The following SMIM23 variants were observed in gnomAD, a reference collection of about 807,000 sequenced individuals.
SMIM23 encodes small integral membrane protein 23.
A neutral mutation model predicts 12.8 loss-of-function variants in SMIM23; 10 were observed. The observed-to-expected ratio is 0.78, with a 90% confidence interval of 0.48 to 1.32. The LOEUF (loss-of-function observed/expected upper bound fraction) is 1.32. SMIM23 is among the 40% of genes most tolerant of loss of function. The pLI is 0.00. For synonymous variants in SMIM23, 78 were observed against 80.1 expected (o/e 0.97, Z 0.14); for missense variants, 184 against 198.2 (o/e 0.93, Z 0.43).
chr5:171,775,053 T>A, the SMIM23 span, among the ~76,000 whole-genome samples: 51 of 152,226 alleles, frequency 3.4e-4, no homozygotes, highest in Non-Finnish European at 6.2e-4. Context: ...GATGTTTTGA[T>A]CCTGTCTTGA....
chr5:171,790,935 A>C lies in SMIM23; in HGVS notation c.366A>C (p.Glu122Asp), dbSNP rs989950462. The C allele has an allele frequency of 1.2e-5, 19 of 1,535,986 alleles. No individual in the cohort carries two copies. Among genetic ancestry groups the C allele is most frequent in the Non-Finnish European group, 1.5e-5 (17 of 1,146,926 alleles). ...QQLEQLAWDL[E>D]LWLDALLGEP... ...TGGAGCAGCTAGCGTGGGACCTGGA[A>C]CTGTGGCTGGATGCTCTTCTGGGAG... The change falls in exon 4 of 4, where the codon GAA becomes GAC. Residue 122 changes from glutamate to aspartate, a missense_variant. Coordinates refer to ENST00000523047, the MANE Select transcript of SMIM23 (RefSeq NM_001289970.2).
chr5:171,785,241 T>C (rs1249606529), upstream of SMIM23, among the ~76,000 whole-genome samples: 1 of 152,090 alleles, frequency 6.6e-6, no homozygotes, highest in Non-Finnish European at 1.5e-5. Flanking sequence ...AATGTCCACA[T>C]CCAGGCTGTG....
chr5:171,779,263 C>T (rs747723461), upstream of SMIM23, among the ~76,000 whole-genome samples: 10 of 152,246 alleles, frequency 6.6e-5, no homozygotes, highest in African/African-American at 9.6e-5. Flanking sequence ...CCCACATTCT[C>T]ATGCAACAAT....
chr5:171,778,348 C>T (rs1392263802), upstream of SMIM23, among the ~76,000 whole-genome samples: 1 of 148,596 alleles, frequency 6.7e-6, no homozygotes, highest in African/African-American at 2.5e-5. Context: ...CAGAGCGAGA[C>T]TCCATCTCAA....
At chr5:171,787,157 C>T (rs980792432) in intron 1 of SMIM23, among the ~76,000 whole-genome samples, 7 of 151,770 alleles carry the variant, frequency 4.6e-5, no homozygotes, top group Admixed American at 6.6e-5. Flanking sequence ...GCAGCTGGGA[C>T]TACAGGCGCC....
upstream of SMIM23, among the ~76,000 whole-genome samples, chr5:171,783,631 G>A (rs879612006): frequency 3.2e-4 from 48 of 152,138 alleles, no homozygotes; most frequent in African/African-American, 6.8e-4. Flanking sequence ...GAAAATCTTC[G>A]GAACCTAGGG....
At chr5:171,789,641 G>A (rs900085689) in intron 1 of SMIM23, among the ~76,000 whole-genome samples, 6 of 152,054 alleles carry the variant, frequency 3.9e-5, no homozygotes, top group Non-Finnish European at 5.9e-5. Context: ...AAAAATAGAG[G>A]CATTTCGAAA....
the SMIM23 span, among the ~76,000 whole-genome samples, chr5:171,775,344 C>T: frequency 6.6e-6 from 1 of 152,182 alleles, no homozygotes; most frequent in Admixed American, 6.5e-5. Flanking sequence ...CAACCCCCAC[C>T]TCCCCCTCCT....
rs754060832 is a variant in SMIM23 at position 171,785,955 on chromosome 5, C to A, written c.84C>A (p.Ser28Arg). 5 of 1,536,344 alleles carry A rather than the reference C, an allele frequency of 3.3e-6. No homozygotes were observed. Among genetic ancestry groups the A allele is most frequent in the Non-Finnish European group, 4.4e-6 (5 of 1,146,942 alleles). Reference protein sequence around the residue: ...AAQLLERRRGSHCDDEKQTLL... With the variant: ...AAQLLERRRGRHCDDEKQTLL... ...AGCTGCTTGAACGGAGAAGGGGCAG[C>A]CACTGTGATGACGAGAAGCAGGTGA... The change falls in exon 1 of 4, where the codon AGC becomes AGA. Residue 28 changes from serine to arginine, a missense_variant. Physicochemically the swap from Ser to Arg is moderately radical, Grantham distance 110. Coordinates refer to ENST00000523047, the MANE Select transcript of SMIM23 (RefSeq NM_001289970.2).
upstream of SMIM23, among the ~76,000 whole-genome samples, chr5:171,777,554 TGCCACA>T: frequency 6.6e-6 from 1 of 152,194 alleles, no homozygotes; most frequent in Non-Finnish European, 1.5e-5. Context: ...AGCCTCTGCT[TGCCACA>T]GTGAGAGAGA....
chr5:171,780,810 CTCTT>C (rs547314694), upstream of SMIM23, among the ~76,000 whole-genome samples: 241 of 152,118 alleles, frequency 1.6e-3, 1 homozygote, highest in African/African-American at 5.5e-3. Context: ...TTGGGTTGGA[CTCTT>C]TCTTTCTCTG....
the SMIM23 span, chr5:171,774,759 C>T: frequency 8.1e-6 from 3 of 372,442 alleles, no homozygotes. Context: ...TCAAGAATCC[C>T]TCTATTCCCA....
the SMIM23 span, chr5:171,774,601 GCCC>G: frequency 6.8e-6 from 3 of 439,600 alleles, no homozygotes; most frequent in Non-Finnish European, 1.4e-5. Context: ...ACCCTGCCCT[GCCC>G]CACCCCACCC....
the SMIM23 span, among the ~76,000 whole-genome samples, chr5:171,775,331 C>A: frequency 6.6e-6 from 1 of 152,194 alleles, no homozygotes; most frequent in African/African-American, 2.4e-5. Flanking sequence ...TGAGCATTCC[C>A]CCCAACCCCC....
At chr5:171,773,419 C>CACTGAAT in the SMIM23 span, among the ~76,000 whole-genome samples, 1 of 32,228 alleles carries the variant, frequency 3.1e-5, no homozygotes, top group African/African-American at 3.5e-4. Flanking sequence ...CCCTTCTGAG[C>CACTGAAT]CCCCTGTCTA....
At chr5:171,780,233 C>T (rs754544721), upstream of SMIM23, among the ~76,000 whole-genome samples, 1 of 152,170 alleles carries the variant, frequency 6.6e-6, no homozygotes, top group Non-Finnish European at 1.5e-5. Context: ...TCCCTGCCCC[C>T]GCCAACTCAT....
At chr5:171,776,625 T>C in the SMIM23 span, among the ~76,000 whole-genome samples, 1 of 152,104 alleles carries the variant, frequency 6.6e-6, no homozygotes, top group Non-Finnish European at 1.5e-5. Flanking sequence ...ATCATCATCA[T>C]CTCTATGCCC....
the SMIM23 span, among the ~76,000 whole-genome samples, chr5:171,775,601 T>A: frequency 2.6e-5 from 4 of 152,168 alleles, no homozygotes; most frequent in Non-Finnish European, 5.9e-5. Flanking sequence ...GCAGTAGATG[T>A]TAAGAACTCA....
At chr5:171,789,859 A>G (rs1380807004) in intron 1 of SMIM23, among the ~76,000 whole-genome samples, 3 of 152,212 alleles carry the variant, frequency 2.0e-5, no homozygotes, top group Non-Finnish European at 2.9e-5. Context: ...GATTGGGGTG[A>G]TAGTCTACAG....
Sources: allele counts gnomAD v4.1 joint callset (sites outside exome capture counted in the v4.1 genomes callset), GRCh38; gene constraint gnomAD v4.1.1; transcripts MANE v1.5; gene names NCBI Gene and HGNC (gene_info 2026-07-23, HGNC 2026-07-21).